The following YAP1 variants were observed in gnomAD, a reference collection of about 807,000 sequenced individuals.
YAP1 encodes the protein transcriptional coactivator YAP1.
A neutral mutation model predicts 56.9 loss-of-function variants in YAP1; 5 were observed. The ratio of observed to expected loss-of-function variants is 0.09; its 90% CI spans 0.05 to 0.18. The LOEUF is 0.18. YAP1 is among the 10% of genes least tolerant of loss of function. The pLI, the probability that YAP1 is intolerant of heterozygous loss-of-function variation, is 1.00. For synonymous variants in YAP1, 265 were observed against 248.1 expected, an observed-to-expected ratio of 1.07 and a Z score of -0.64; for missense variants, 539 against 651.8, an observed-to-expected ratio of 0.83 and a Z score of 1.88.
At chr11:102,166,528 A>C (rs1188331329) in intron 3 of YAP1, among the ~76,000 whole-genome samples, 1 of 152,250 alleles carries the variant, frequency 6.6e-6, no homozygotes, top group Non-Finnish European at 1.5e-5. Context: ...AACAAGGACA[A>C]CTGTGAGAGC....
chr11:102,177,918 T>A (rs1297748983), intron 3 of YAP1, among the ~76,000 whole-genome samples: 8 of 152,140 alleles, frequency 5.3e-5, no homozygotes, highest in African/African-American at 1.9e-4. Flanking sequence ...AAAATATGAT[T>A]ACTGTTTGTC....
chr11:102,183,669 TTCA>T (rs1316202261), intron 3 of YAP1, among the ~76,000 whole-genome samples: 1 of 150,894 alleles, frequency 6.6e-6, no homozygotes, highest in Non-Finnish European at 1.5e-5. Context: ...GTGGCTCTCA[TTCA>T]GACAGCTAAG....
intron 2 of YAP1, among the ~76,000 whole-genome samples, chr11:102,139,139 TAAAC>T (rs902046516): frequency 6.6e-6 from 1 of 152,054 alleles, no homozygotes; most frequent in Non-Finnish European, 1.5e-5. Context: ...AAGTTGATTT[TAAAC>T]AGTGAATCAG....
intron 4 of YAP1, among the ~76,000 whole-genome samples, chr11:102,205,446 A>T (rs1591413700): frequency 6.6e-6 from 1 of 152,206 alleles, no homozygotes; most frequent in East Asian, 1.9e-4. Context: ...AGTTATAAAT[A>T]AGGTTCTCCA....
intron 5 of YAP1, among the ~76,000 whole-genome samples, chr11:102,207,600 T>G (rs531013605): frequency 4.6e-5 from 7 of 151,820 alleles, no homozygotes; most frequent in South Asian, 2.1e-4. Context: ...GTTTTTTGGG[T>G]TTTTTTTAGG....
At chr11:102,191,074 G>C (rs983032308) in intron 4 of YAP1, among the ~76,000 whole-genome samples, 1 of 151,942 alleles carries the variant, frequency 6.6e-6, no homozygotes, top group African/African-American at 2.4e-5. Context: ...TCAGGAGGCT[G>C]AGGCAGGAGA....
At chr11:102,194,486 A>T (rs1948470063) in intron 4 of YAP1, among the ~76,000 whole-genome samples, 1 of 152,174 alleles carries the variant, frequency 6.6e-6, no homozygotes, top group Non-Finnish European at 1.5e-5. Flanking sequence ...CTATTTTAGG[A>T]TTTATTTATT....
chr11:102,145,987 A>G (rs1244740148), intron 2 of YAP1, among the ~76,000 whole-genome samples: 1 of 152,220 alleles, frequency 6.6e-6, no homozygotes, highest in Non-Finnish European at 1.5e-5. Context: ...CCAGATAGTA[A>G]AGATAGATCA....
At chr11:102,122,361 G>A (rs1312730783) in intron 2 of YAP1, among the ~76,000 whole-genome samples, 1 of 151,832 alleles carries the variant, frequency 6.6e-6, no homozygotes, top group African/African-American at 2.4e-5. Context: ...GGAGGCAGAG[G>A]TTGCAGTGAG....
At chr11:102,117,168 A>C (rs1943338615) in intron 2 of YAP1, among the ~76,000 whole-genome samples, 1 of 152,122 alleles carries the variant, frequency 6.6e-6, no homozygotes, top group South Asian at 2.1e-4. Context: ...TTTGGTGCCA[A>C]GTTTCTGTTG....
At position 102,110,940 on chromosome 11, in the gene YAP1, C is replaced by T. The variant is rs1413846592; in HGVS notation, c.92C>T (p.Ser31Phe). Reference sequence around the variant, plus strand: ...CCCCCGCAGGGGCAGGGCCCGCCGTCCGGACCCGGGCAACCGGCACCCGCG... The same window carrying T: ...CCCCCGCAGGGGCAGGGCCCGCCGTTCGGACCCGGGCAACCGGCACCCGCG... ...SQPPQGQGPP[S>F]GPGQPAPAAT... The change falls in exon 1 of 9, where the codon TCC becomes TTC. Residue 31 changes from serine (S) to phenylalanine (F), a missense_variant. Coordinates refer to ENST00000282441, the MANE Select transcript of YAP1 (RefSeq NM_001130145.3). 1.3e-6 allele frequency: 2 copies of T among 1,491,578 alleles called. No homozygotes were observed. Among genetic ancestry groups the T allele is most frequent in the South Asian group, 1.3e-5 (1 of 77,980 alleles). The allele number at this position is 1,491,578 out of a possible 1,614,324, so 92.4% of individuals were successfully genotyped here. A position where few individuals can be genotyped will look rare whatever the true frequency, so the allele number is the denominator to read the frequency against.
intron 3 of YAP1, among the ~76,000 whole-genome samples, chr11:102,166,816 G>C (rs769014005): frequency 2.6e-5 from 4 of 151,994 alleles, no homozygotes; most frequent in Admixed American, 2.0e-4. Flanking sequence ...ATTCATAATT[G>C]AGTCCAGCTT....
rs181903009 is a variant in YAP1, at chr11:102,203,059, G to A, written c.803-2834G>A. Among the ~76,000 whole-genome samples, 170 of 152,280 alleles carry A rather than the reference G, an allele frequency of 1.1e-3. 1 individual carries two copies. Among genetic ancestry groups the A allele is most frequent in the Middle Eastern group, 0.01 (3 of 294 alleles). Reference sequence around the variant, plus strand: ...TAAATGACAAAGAAAAAACCAAGGGGGAACCTGTGTATTAAAACAGTGGTC... The same window carrying A: ...TAAATGACAAAGAAAAAACCAAGGGAGAACCTGTGTATTAAAACAGTGGTC... On this transcript the variant is annotated intron_variant, in intron 4 of 8. Coordinates refer to ENST00000282441, the MANE Select transcript of YAP1 (RefSeq NM_001130145.3).
Position 102,232,234 on chromosome 11 carries a change from A to G in YAP1, c.*2294A>G, listed in dbSNP as rs1238531015. 3.1e-5 allele frequency: 4 copies of G among 128,772 alleles called. No individual in the cohort carries two copies. The highest frequency in any genetic ancestry group is 6.3e-5 in the Non-Finnish European group (4 of 63,780). 8.0% of individuals were successfully genotyped at this position (128,772 alleles called of 1,614,324 possible). ...GCCACAGATTAAGATTATATCTTAT[A>G]TATCAGCAGATTAGCTTTAGCTTAG... is the stretch of plus-strand genomic sequence containing the variant. On this transcript the variant is annotated 3_prime_UTR_variant, in exon 9 of 9. Coordinates refer to ENST00000282441, the MANE Select transcript of YAP1 (RefSeq NM_001130145.3).
At chr11:102,186,814 A>ATGTGTGTGTGCGTGTGTGTGTG (rs1947982515) in intron 4 of YAP1, 1 of 138,418 alleles carries the variant, frequency 7.2e-6, no homozygotes, top group Non-Finnish European at 1.6e-5. Flanking sequence ...TTTTTAAAAA[A>ATGTGTGTGTGCGTGTGTGTGTG]TGTGTGTGTG....
At chr11:102,118,964 AT>A (rs1025649298) in intron 2 of YAP1, among the ~76,000 whole-genome samples, 1 of 152,042 alleles carries the variant, frequency 6.6e-6, no homozygotes, top group African/African-American at 2.4e-5. Context: ...AAAGCTTGTA[AT>A]TTTGCCATTA....
intron 3 of YAP1, among the ~76,000 whole-genome samples, chr11:102,176,745 CAAAAAAAAAAAAAAAAAAAAAAA>C (rs57082707): frequency 4.4e-5 from 2 of 45,512 alleles, no homozygotes; most frequent in African/African-American, 1.8e-4. Flanking sequence ...GACTCCGTCT[CAAAAAAAAAAAAAAAAAAAAAAA>C]AAAAAAAAGA....
chr11:102,221,335 T>A (rs1591461467), intron 6 of YAP1, among the ~76,000 whole-genome samples: 1 of 152,248 alleles, frequency 6.6e-6, no homozygotes, highest in East Asian at 1.9e-4. Context: ...TTTTTTAAAG[T>A]ACAGGATTGA....
intron 6 of YAP1, among the ~76,000 whole-genome samples, chr11:102,216,343 A>G (rs923038924): frequency 3.0e-4 from 45 of 152,182 alleles, no homozygotes; most frequent in Non-Finnish European, 5.0e-4. Flanking sequence ...TGCTACTTTA[A>G]AAAAAAATCT....
Sources: allele counts gnomAD v4.1 joint callset (sites outside exome capture counted in the v4.1 genomes callset), GRCh38; gene constraint gnomAD v4.1.1; transcripts MANE v1.5; gene names NCBI Gene and HGNC (gene_info 2026-07-23, HGNC 2026-07-21).